Variants in CCT8 observed in about 807,000 individuals in gnomAD.
CCT8 encodes the protein chaperonin containing TCP1 subunit 8.
Under a neutral mutation model 65.7 loss-of-function variants are expected in CCT8, and 10 were observed. That is an observed-to-expected ratio of 0.15 (90% confidence interval 0.09 to 0.26). The LOEUF is 0.26. Among genes scored for constraint, CCT8 ranks in the 10% least tolerant of loss-of-function variants. CCT8 has a pLI of 1.00. For synonymous variants in CCT8, 199 were observed against 221.8 expected (o/e 0.90, Z 0.92); for missense variants, 568 against 669.1 (o/e 0.85, Z 1.67).
chr21:29,066,870 C>G, intron 5 of CCT8, 21 bp downstream of exon 5: 1 of 1,591,196 alleles, frequency 6.3e-7, no homozygotes, highest in Non-Finnish European at 8.6e-7. Flanking sequence ...TGGATCTTTT[C>G]ATTTACTGAT....
Position 29,062,538 on chromosome 21 carries a change from A to G in CCT8, c.960T>C (p.Asp320=), listed in dbSNP as rs1431077003. The G allele has an allele frequency of 1.9e-6, 3 of 1,613,782 alleles. No homozygotes were observed. The highest frequency in any genetic ancestry group is 2.5e-6 in the Non-Finnish European group (3 of 1,179,822). Residue 320 remains aspartate, a synonymous_variant, in exon 9 of 15, where the codon GAT becomes GAC. Transcript: ENST00000286788. ...IMLVRLNSKW[D]LRRLCKTVGA... is the part of the protein sequence containing the mutation. ...CAACAGTTTTACAAAGTCTTCGGAG[A>G]TCCCATTTTGAGTTTAGCCTTTAAA...
At chr21:29,062,049 A>T in intron 11 of CCT8, 79 bp downstream of exon 11, 4 of 926,320 alleles carry the variant, frequency 4.3e-6, no homozygotes, top group Non-Finnish European at 7.0e-6. Context: ...ATGATGTGCA[A>T]GAGTCTGCAA....
rs766615097 is a variant in CCT8, at chr21:29,065,036, T to C, written c.694A>G (p.Thr232Ala). 1.3e-5 allele frequency: 21 copies of C among 1,613,622 alleles called. No homozygotes were observed. The highest frequency in any genetic ancestry group is 1.8e-5 in the Non-Finnish European group (21 of 1,179,660). ...VFKKETEGDV[T>A]SVKDAKIAVY... ...GCTATTTTTGCATCTTTGACAGATGTTACATCACCTTCGGTTTCCTTCTTA... is the reference window on the plus strand; with the variant it reads ...GCTATTTTTGCATCTTTGACAGATGCTACATCACCTTCGGTTTCCTTCTTA... Residue 232 changes from threonine (T) to alanine (A), a missense_variant, in exon 7 of 15, where the codon ACA becomes GCA. Coordinates refer to ENST00000286788, the MANE Select transcript of CCT8 (RefSeq NM_006585.4).
In CCT8 at chr21:29,061,564, T is replaced by C. The variant is rs1044886890; in HGVS notation, c.1216A>G (p.Lys406Glu). 5.0e-6 allele frequency: 8 copies of C among 1,613,868 alleles called. No homozygotes were observed. The highest frequency in any genetic ancestry group is 6.8e-6 in the Non-Finnish European group (8 of 1,179,848). ...VNTFKVLTRD[K>E]RLVPGGGATE... ...GCTCCACCTCCGGGTACAAGACGTTTATCCTGTATGTAGCGCCCCCACCAA... is the reference window on the plus strand; with the variant it reads ...GCTCCACCTCCGGGTACAAGACGTTCATCCTGTATGTAGCGCCCCCACCAA... Residue 406 changes from lysine (K) to glutamate (E), a missense_variant, in exon 12 of 15, where the codon AAA (lysine) becomes GAA (glutamate). By Grantham distance (56) the Lys-to-Glu change is moderately conservative. Coordinates refer to ENST00000286788, the MANE Select transcript of CCT8 (RefSeq NM_006585.4).
chr21:29,063,640 G>A, intron 7 of CCT8, 110 bp from the exon 8 acceptor site: 1 of 959,732 alleles, frequency 1.0e-6, no homozygotes, highest in Non-Finnish European at 1.6e-6. Context: ...AAAATATGAA[G>A]ATATATGTGC....
In CCT8 at chr21:29,070,315, G is replaced by A. The variant is rs776982934; in HGVS notation, c.83C>T (p.Ala28Val). ...GCAAGCTTGTATGTTTCTATACACA[G>A]CCTCTTCTAATCCTGAAAAGTGCTG... ...GAKHFSGLEE[A>V]VYRNIQACKE... The change falls in exon 2 of 15, where the codon GCT becomes GTT. Residue 28 changes from alanine (A) to valine (V), a missense_variant. By Grantham distance (64) the Ala-to-Val change is moderately conservative (BLOSUM62 0). Coordinates refer to ENST00000286788, the MANE Select transcript of CCT8 (RefSeq NM_006585.4). 2 of 1,610,558 alleles carry A rather than the reference G, an allele frequency of 1.2e-6. No homozygotes were observed. Among genetic ancestry groups the A allele is most frequent in the African/African-American group, 1.3e-5 (1 of 74,744 alleles).
intron 3 of CCT8, among the ~76,000 whole-genome samples, chr21:29,068,498 C>T (rs963291668): frequency 2.0e-5 from 3 of 151,714 alleles, no homozygotes; most frequent in African/African-American, 7.3e-5. Context: ...CTTGCTCTGT[C>T]GCCCAGGCTG....
chr21:29,069,798 A>G (rs1021924147), intron 2 of CCT8, among the ~76,000 whole-genome samples: 5 of 152,338 alleles, frequency 3.3e-5, no homozygotes, highest in African/African-American at 1.2e-4. Context: ...ACTGTCATGC[A>G]GCAAGTGCTC....
chr21:29,067,607 A>G lies in CCT8; in HGVS notation c.330T>C (p.Ala110=). 2.1e-6 allele frequency: 3 copies of G among 1,441,482 alleles called. No homozygotes were observed. The highest frequency in any genetic ancestry group is 1.7e-5 in the South Asian group (1 of 60,068). The allele number at this position is 1,441,482 out of a possible 1,614,324, so 89.3% of individuals were successfully genotyped here. A position where few individuals can be genotyped will look rare whatever the true frequency, so the allele number is the denominator to read the frequency against. The change falls in exon 4 of 15, where the codon GCT becomes GCC. Residue 110 remains alanine (A), a synonymous_variant. Transcript: ENST00000286788. ...GTNFVLVFAG[A]LLELAEELLR... is the part of the protein sequence containing the mutation. ...GAAGTTCTTCAGCTAATTCCAGGAG[A>G]GCTCCAGCAAATACCAGAACAAAGT... is the stretch of plus-strand genomic sequence containing the variant.
chr21:29,064,426 A>AAAAAAAAAAAG, intron 7 of CCT8, among the ~76,000 whole-genome samples: 1 of 150,042 alleles, frequency 6.7e-6, no homozygotes, highest in East Asian at 1.9e-4. Context: ...AAAAAAAAAA[A>AAAAAAAAAAAG]AAAAAAAAAA....
chr21:29,060,225 C>T (rs1255437362), intron 14 of CCT8: 8 of 175,742 alleles, frequency 4.6e-5, no homozygotes, highest in African/African-American at 1.4e-4. Flanking sequence ...ACTCCATTTT[C>T]CTTCAAGCTG....
At chr21:29,066,653 A>C (rs2085625894) in intron 6 of CCT8, 63 bp downstream of exon 6, 1 of 1,126,612 alleles carries the variant, frequency 8.9e-7, no homozygotes, top group African/African-American at 1.6e-5. Context: ...TTGCACAAAA[A>C]AACAAAAAAA....
In CCT8 at chr21:29,070,865, T is replaced by C. The variant is rs142491801; in HGVS notation, c.61-528A>G. On this transcript the variant is annotated intron_variant, in intron 1 of 14. Transcript: ENST00000286788. ...AACTAACTGTTGAAATGTGGAATAT[T>C]CTTATTGTGTTAGAATCTGGGCTTT... is the stretch of plus-strand genomic sequence containing the variant. Among the ~76,000 whole-genome samples, 182 of 152,332 alleles carry C rather than the reference T, an allele frequency of 1.2e-3. 1 individual carries two copies. The highest frequency in any genetic ancestry group is 3.6e-3 in the African/African-American group (149 of 41,568).
intron 1 of CCT8, among the ~76,000 whole-genome samples, chr21:29,070,900 A>G (rs2085673009): frequency 6.6e-6 from 1 of 152,246 alleles, no homozygotes; most frequent in Admixed American, 6.5e-5. Flanking sequence ...TTGTAAAGCC[A>G]GAAGTTCTTT....
chr21:29,058,827 C>T (rs2085532485), intron 14 of CCT8, among the ~76,000 whole-genome samples: 2 of 152,038 alleles, frequency 1.3e-5, no homozygotes, highest in Non-Finnish European at 2.9e-5. Context: ...CTCCTGACCT[C>T]GTGATCCTCC....
chr21:29,063,678 A>G lies in CCT8; in HGVS notation c.763-148T>C, dbSNP rs143461890. The G allele has an allele frequency of 2.9e-4, 206 of 708,972 alleles. No individual in the cohort carries two copies. The African/African-American group carries it at 3.4e-3, about 12-fold the overall frequency. 43.9% of individuals were successfully genotyped at this position (708,972 alleles called of 1,614,324 possible). On this transcript the variant is annotated intron_variant, in intron 7 of 14. Transcript: ENST00000286788. ...ATATTATGAAGCAGCAGAATACTGT[A>G]TGTGTGAAATAGAAACTCAGCTTGC...
chr21:29,065,925 A>G (rs1284631070), intron 6 of CCT8, among the ~76,000 whole-genome samples: 1 of 152,032 alleles, frequency 6.6e-6, no homozygotes, highest in Non-Finnish European at 1.5e-5. Flanking sequence ...TACTAAAAAA[A>G]TACAAAAATT....
Position 29,064,886 on chromosome 21 carries a change from GTACT to G in CCT8, c.762+78_762+81del, listed in dbSNP as rs958687611. On this transcript the variant is annotated intron_variant, in intron 7 of 14. Coordinates refer to ENST00000286788, the MANE Select transcript of CCT8 (RefSeq NM_006585.4). ...CCTGCAATGTTCAGTTTTTTAAGAAGTACTTACTGGTTTAAGAGCTAACTCAAAC... is the reference window on the plus strand; with the variant it reads ...CCTGCAATGTTCAGTTTTTTAAGAAGTACTGGTTTAAGAGCTAACTCAAAC... 8 of 1,212,354 alleles carry G rather than the reference GTACT, an allele frequency of 6.6e-6. No individual in the cohort carries two copies. In the African/African-American group the frequency reaches 1.2e-4, roughly 18 times the overall value. 75.1% of individuals were successfully genotyped at this position (1,212,354 alleles called of 1,614,324 possible).
intron 6 of CCT8, 135 bp from the exon 7 acceptor site, chr21:29,065,240 G>T: frequency 1.2e-6 from 1 of 845,044 alleles, no homozygotes; most frequent in Admixed American, 2.4e-5. Context: ...CCTGGGATAA[G>T]GGGTGGAGTG....
Sources: gnomAD v4.1 joint callset for allele counts (sites outside exome capture counted in the v4.1 genomes callset) on GRCh38, gnomAD v4.1.1 for gene constraint, MANE v1.5 for transcripts, NCBI Gene and HGNC (gene_info 2026-07-23, HGNC 2026-07-21) for gene names.